The following RASA3 variants were observed in gnomAD, a reference collection of about 807,000 sequenced individuals.
RASA3 encodes the protein ras GTPase-activating protein 3.
Under a neutral mutation model 110.0 loss-of-function variants are expected in RASA3, and 73 were observed. That is an observed-to-expected ratio of 0.66 (90% CI 0.55 to 0.81). The LOEUF (loss-of-function observed/expected upper bound fraction) is 0.81. Ranked by LOEUF, RASA3 falls within the 30% of genes least tolerant of loss-of-function variation. RASA3 has a pLI of 0.00. For synonymous variants in RASA3, 500 were observed against 451.4 expected (o/e 1.11, Z -1.37); for missense variants, 976 against 1,113.2 (o/e 0.88, Z 1.75).
Position 114,043,840 on chromosome 13 carries a change from CCCCG to C in RASA3, c.278-2750_278-2747del, listed in dbSNP as rs1201113271. 2.0e-3 allele frequency among the ~76,000 whole-genome samples: 132 copies of C among 67,630 alleles called. 12 individuals are homozygous for C. Among genetic ancestry groups the C allele is most frequent in the Middle Eastern group, 6.7e-3 (1 of 150 alleles). The allele number at this position is 67,630 out of a possible 152,430, so 44.4% of individuals were successfully genotyped here. ...CCTGGCCCACCTCACTCGCTGAGCC[CCCCG>C]CCCCGCCTCACTCGCTGAGCCCCCC... On this transcript the variant is annotated intron_variant, in intron 3 of 23. Coordinates refer to ENST00000334062, the MANE Select transcript of RASA3 (RefSeq NM_007368.4).
In RASA3 at chr13:113,981,781, C is replaced by T; in HGVS notation, c.2323G>A (p.Glu775Lys). Reference sequence around the variant, plus strand: ...ACTTGCTTTAGCGTCTTGTAGGTCTCCTGGGGGTCGTCAATGACGAACGTC... The same window carrying T: ...ACTTGCTTTAGCGTCTTGTAGGTCTTCTGGGGGTCGTCAATGACGAACGTC... ...YSTFVIDDPQ[E>K]TYKTLKQVIA... Residue 775 changes from glutamate (E) to lysine (K), a missense_variant, in exon 23 of 24, where the codon GAG (glutamate) becomes AAG (lysine). This residue lies in a region of RASA3 where 132 missense variants were observed against 152.8 expected (regional missense o/e 0.86). Transcript: ENST00000334062. The T allele has an allele frequency of 6.2e-7, 1 of 1,614,100 alleles. No homozygotes were observed. The highest frequency in any genetic ancestry group is 8.5e-7 in the Non-Finnish European group (1 of 1,179,996).
At chr13:114,106,016 G>A (rs1316489442) in intron 1 of RASA3, among the ~76,000 whole-genome samples, 1 of 152,210 alleles carries the variant, frequency 6.6e-6, no homozygotes, top group Non-Finnish European at 1.5e-5. Context: ...GGCCACGGCA[G>A]GAAATCGCAG....
intron 7 of RASA3, among the ~76,000 whole-genome samples, chr13:114,026,054 G>A (rs150017228): frequency 7.9e-4 from 121 of 152,380 alleles, no homozygotes; most frequent in Non-Finnish European, 1.1e-3. Flanking sequence ...AGGTGGTGAC[G>A]CAGACCATGG....
chr13:114,030,827 CTGTG>C (rs756212272), intron 4 of RASA3, among the ~76,000 whole-genome samples: 2 of 151,156 alleles, frequency 1.3e-5, no homozygotes, highest in South Asian at 2.1e-4. Flanking sequence ...GTGCATCTGG[CTGTG>C]TGTGTGCAGC....
chr13:114,088,484 T>G (rs1369403874), intron 1 of RASA3, among the ~76,000 whole-genome samples: 1 of 152,202 alleles, frequency 6.6e-6, no homozygotes, highest in Non-Finnish European at 1.5e-5. Context: ...AGAATCACAC[T>G]TCGACTTCCT....
intron 2 of RASA3, among the ~76,000 whole-genome samples, chr13:114,054,245 C>G (rs1463401787): frequency 6.6e-6 from 1 of 152,164 alleles, no homozygotes; most frequent in Non-Finnish European, 1.5e-5. Context: ...TCTTATGACT[C>G]AATAAATGAT....
chr13:114,004,394 T>A (rs755691190), intron 18 of RASA3, among the ~76,000 whole-genome samples: 1 of 151,238 alleles, frequency 6.6e-6, no homozygotes, highest in Non-Finnish European at 1.5e-5. Context: ...TAAAAAAAAA[T>A]TTAAAAGTGG....
intron 1 of RASA3, among the ~76,000 whole-genome samples, chr13:114,117,254 G>C (rs2080297150): frequency 1.1e-5 from 1 of 94,840 alleles, no homozygotes; most frequent in African/African-American, 3.4e-5. Context: ...GTGCACGTGT[G>C]TGAGGGATGC....
intron 4 of RASA3, among the ~76,000 whole-genome samples, chr13:114,038,888 G>A (rs1566512577): frequency 1.3e-5 from 2 of 152,256 alleles, no homozygotes; most frequent in South Asian, 4.1e-4. Context: ...AGTTGCCTCT[G>A]CTGAAGTCTC....
chr13:114,052,734 T>C (rs367567746), intron 2 of RASA3, among the ~76,000 whole-genome samples: 1,973 of 49,182 alleles, frequency 0.04, 6 homozygotes, highest in African/African-American at 0.066. Context: ...GGGGGAGAGA[T>C]CCCCGCTGCT....
In RASA3 at chr13:113,992,375, A is replaced by G. The variant is rs2053139325; in HGVS notation, c.2245+110T>C. 9.9e-6 allele frequency: 8 copies of G among 804,794 alleles called. No individual in the cohort carries two copies. The Admixed American group carries it at 1.5e-4, about 15-fold the overall frequency. The allele number at this position is 804,794 out of a possible 1,614,324, so 49.9% of individuals were successfully genotyped here. The stretch of plus-strand genomic sequence containing the variant: ...ACAAAGACAACTACATGTAGCCCAC[A>G]CTACACCAGAGGCTCAGACCACAGG... On this transcript the variant is annotated intron_variant, in intron 22 of 23. Coordinates refer to ENST00000334062, the MANE Select transcript of RASA3 (RefSeq NM_007368.4).
At chr13:113,994,187 G>A (rs916109861) in intron 21 of RASA3, among the ~76,000 whole-genome samples, 11 of 152,092 alleles carry the variant, frequency 7.2e-5, no homozygotes, top group Admixed American at 4.6e-4. Context: ...AACTTCTCTT[G>A]TAAAAAAAGA....
intron 22 of RASA3, among the ~76,000 whole-genome samples, chr13:113,989,371 C>T (rs1199057921): frequency 1.3e-5 from 2 of 148,520 alleles, no homozygotes; most frequent in African/African-American, 5.0e-5. Flanking sequence ...ATCTGTCCAT[C>T]CACCCATCAC....
chr13:114,095,202 T>A (rs1211882859), intron 1 of RASA3, among the ~76,000 whole-genome samples: 1 of 152,240 alleles, frequency 6.6e-6, no homozygotes, highest in East Asian at 1.9e-4. Context: ...CCTCCATTGG[T>A]GAATAATTTG....
intron 2 of RASA3, among the ~76,000 whole-genome samples, chr13:114,071,754 C>T (rs1359172236): frequency 6.6e-6 from 1 of 152,148 alleles, no homozygotes; most frequent in East Asian, 1.9e-4. Context: ...TGCGCCAAAG[C>T]CTTTTGGAAG....
At chr13:114,019,367 G>T (rs942385442) in intron 9 of RASA3, among the ~76,000 whole-genome samples, 5 of 152,258 alleles carry the variant, frequency 3.3e-5, no homozygotes, top group Non-Finnish European at 7.3e-5. Context: ...CCTGGTCATT[G>T]TAAGAGACGT....
intron 16 of RASA3, among the ~76,000 whole-genome samples, 193 bp from the exon 17 acceptor site, chr13:114,009,657 C>T (rs9525308): frequency 0.079 from 12,014 of 152,278 alleles, 968 homozygotes; most frequent in African/African-American, 0.2. Context: ...CAGGCGCCAA[C>T]GAAGACCATC....
intron 3 of RASA3, among the ~76,000 whole-genome samples, chr13:114,043,837 G>GCCCCCCCCCCCCCCCCCCCCCCCCCCCT (rs544129523): frequency 8.8e-5 from 2 of 22,826 alleles, no homozygotes; most frequent in Non-Finnish European, 1.4e-4. Flanking sequence ...CACTCGCTGA[G>GCCCCCCCCCCCCCCCCCCCCCCCCCCCT]CCCCCCGCCC....
rs4883650 is a variant in RASA3 at position 114,096,463 on chromosome 13, C to T, written c.56-22626G>A. Reference sequence around the variant, plus strand: ...TGCCTGAAGCCACCTTCTCATAGCGCTCAGTACTGGGGACCCTGGCCGGGA... The same window carrying T: ...TGCCTGAAGCCACCTTCTCATAGCGTTCAGTACTGGGGACCCTGGCCGGGA... On this transcript the variant is annotated intron_variant, in intron 1 of 23. Transcript: ENST00000334062. This position sits in a 1 kb window ranked among gnomAD's most constrained non-coding sequence, Gnocchi z 5.1. Among the ~76,000 whole-genome samples the T allele has an allele frequency of 0.37, 55,690 of 151,854 alleles. 10,171 individuals are homozygous for T. Among genetic ancestry groups the T allele is most frequent in the Middle Eastern group, 0.44 (130 of 294 alleles).
Sources: gnomAD v4.1 joint callset for allele counts (sites outside exome capture counted in the v4.1 genomes callset) on GRCh38, gnomAD v4.1.1 for gene constraint, gnomAD v4.1.1 regional missense constraint, Gnocchi (gnomAD v3.1) non-coding constraint, MANE v1.5 for transcripts, NCBI Gene and HGNC (gene_info 2026-07-23, HGNC 2026-07-21) for gene names.